Variants in ADGRL2 observed in about 807,000 individuals in gnomAD.
ADGRL2 encodes adhesion G protein-coupled receptor L2.
A neutral mutation model predicts 157.4 loss-of-function variants in ADGRL2; 44 were observed. The observed-to-expected ratio is 0.28, with a 90% CI of 0.22 to 0.36. The LOEUF (loss-of-function observed/expected upper bound fraction) is 0.36. Ranked by LOEUF, ADGRL2 falls within the 10% of genes least tolerant of loss-of-function variation. The pLI, the probability that ADGRL2 is intolerant of heterozygous loss-of-function variation, is 1.00. For synonymous variants in ADGRL2, 585 were observed against 624.7 expected, an observed-to-expected ratio of 0.94 and a Z score of 0.95; for missense variants, 1,510 against 1,768.9, an observed-to-expected ratio of 0.85 and a Z score of 2.63.
At chr1:81,469,690 C>A (rs559215734) in intron 2 of ADGRL2, among the ~76,000 whole-genome samples, 1 of 152,266 alleles carries the variant, frequency 6.6e-6, no homozygotes, top group African/African-American at 2.4e-5. Flanking sequence ...TAAGTTAAGA[C>A]CCTTAGTGAT....
intron 2 of ADGRL2, among the ~76,000 whole-genome samples, chr1:81,855,315 C>T (rs2093164847): frequency 6.6e-6 from 1 of 152,052 alleles, no homozygotes; most frequent in African/African-American, 2.4e-5. Flanking sequence ...GTGACATGCA[C>T]CCATGGTCCC....
At chr1:81,630,262 A>AG (rs1487483215) in intron 3 of ADGRL2, among the ~76,000 whole-genome samples, 3 of 152,120 alleles carry the variant, frequency 2.0e-5, no homozygotes, top group Admixed American at 6.6e-5. Context: ...CTAGCCTCCC[A>AG]GCCTTCTCCA....
intron 2 of ADGRL2, among the ~76,000 whole-genome samples, chr1:81,567,644 T>C (rs1273925415): frequency 6.6e-6 from 1 of 152,130 alleles, no homozygotes; most frequent in Non-Finnish European, 1.5e-5. Flanking sequence ...AATGAAGCAC[T>C]AAAATATACT....
chr1:81,988,876 C>G (rs571110982), intron 23 of ADGRL2, among the ~76,000 whole-genome samples: 1 of 151,976 alleles, frequency 6.6e-6, no homozygotes, highest in South Asian at 2.1e-4. Flanking sequence ...TAAATTTTTT[C>G]CTAAACTCCT....
At chr1:81,902,986 T>C (rs750797011) in intron 2 of ADGRL2, among the ~76,000 whole-genome samples, 16 of 152,236 alleles carry the variant, frequency 1.1e-4, no homozygotes, top group Non-Finnish European at 1.0e-4. Flanking sequence ...AAGTTGTTTA[T>C]TAATTATCGA....
At chr1:81,980,955 A>G (rs1004077971) in intron 18 of ADGRL2, 14 of 495,496 alleles carry the variant, frequency 2.8e-5, no homozygotes, top group Middle Eastern at 4.1e-4. Flanking sequence ...CTAATTTGCT[A>G]TAGTATTTTT....
chr1:81,750,475 T>C (rs1250202264), intron 1 of ADGRL2, among the ~76,000 whole-genome samples: 1 of 152,166 alleles, frequency 6.6e-6, no homozygotes, highest in East Asian at 1.9e-4. Flanking sequence ...TCCCAGCACT[T>C]TGGGAGGCCG....
intron 1 of ADGRL2, among the ~76,000 whole-genome samples, chr1:81,805,730 T>TAA (rs5775635): frequency 8.0e-5 from 11 of 137,558 alleles, no homozygotes; most frequent in South Asian, 2.3e-4. Context: ...CTTTAGTGGT[T>TAA]AAAAAAAAAA....
At chr1:81,720,182 T>TC (rs1019138656) in intron 1 of ADGRL2, among the ~76,000 whole-genome samples, 2 of 144,638 alleles carry the variant, frequency 1.4e-5, no homozygotes, top group African/African-American at 5.1e-5. Flanking sequence ...TTTTTTTCTT[T>TC]TCTTTTTTTT....
chr1:81,909,057 G>T (rs1005606168), intron 3 of ADGRL2, among the ~76,000 whole-genome samples: 1 of 151,792 alleles, frequency 6.6e-6, no homozygotes, highest in African/African-American at 2.4e-5. Flanking sequence ...TGTATTTTTA[G>T]TAGAGACAGG....
At chr1:81,590,295 C>G (rs2081106463) in intron 3 of ADGRL2, among the ~76,000 whole-genome samples, 1 of 152,120 alleles carries the variant, frequency 6.6e-6, no homozygotes, top group Non-Finnish European at 1.5e-5. Flanking sequence ...TTTTCTATCT[C>G]TTTTGATTAT....
At chr1:81,989,552 C>A in intron 23 of ADGRL2, 2 of 769,630 alleles carry the variant, frequency 2.6e-6, no homozygotes, top group Admixed American at 2.3e-5. Flanking sequence ...GCTGCTATTG[C>A]TGGTAATCTA....
chr1:81,764,189 C>CAAAA (rs34716755), intron 2 of ADGRL2, among the ~76,000 whole-genome samples: 2,173 of 101,376 alleles, frequency 0.021, 44 homozygotes, highest in Non-Finnish European at 0.03. Context: ...GAGACTCTGT[C>CAAAA]AAAAAAAAAA....
chr1:81,512,704 C>A lies in ADGRL2; in HGVS notation c.-248+67615C>A, dbSNP rs747441759. Reference sequence around the variant, plus strand: ...TCTTCCCAGTAGGGGGAAAAAATACCCTTTTCTGTGAGTACATATCAAGGT... The same window carrying A: ...TCTTCCCAGTAGGGGGAAAAAATACACTTTTCTGTGAGTACATATCAAGGT... On this transcript the variant is annotated intron_variant, in intron 2 of 24. Transcript: ENST00000370721. Among the ~76,000 whole-genome samples the A allele has an allele frequency of 3.3e-5, 5 of 152,128 alleles. No individual in the cohort carries two copies. The East Asian group carries it at 5.8e-4, about 18-fold the overall frequency.
chr1:81,604,154 G>A (rs767754666), intron 3 of ADGRL2, among the ~76,000 whole-genome samples: 6 of 151,866 alleles, frequency 4.0e-5, no homozygotes, highest in Non-Finnish European at 5.9e-5. Context: ...TGGTAGAGAC[G>A]AGGTTTCACC....
At chr1:81,961,588 A>G (rs974588248) in intron 11 of ADGRL2, among the ~76,000 whole-genome samples, 3 of 150,638 alleles carry the variant, frequency 2.0e-5, no homozygotes, top group South Asian at 2.1e-4. Context: ...GCTCACTGCA[A>G]CCTTCACCTC....
chr1:81,343,247 G>A (rs970568592), intron 1 of ADGRL2, among the ~76,000 whole-genome samples: 12 of 151,138 alleles, frequency 7.9e-5, no homozygotes, highest in Admixed American at 5.3e-4. Flanking sequence ...GTGCCACCAC[G>A]CCAAGCTAAT....
intron 2 of ADGRL2, among the ~76,000 whole-genome samples, chr1:81,579,622 C>G (rs1183721957): frequency 6.6e-6 from 1 of 152,104 alleles, no homozygotes; most frequent in African/African-American, 2.4e-5. Context: ...TCCCTTGTGT[C>G]TTCAGAGGCA....
intron 3 of ADGRL2, among the ~76,000 whole-genome samples, chr1:81,581,874 GCACA>G (rs869309464): frequency 0.072 from 5,974 of 83,504 alleles, 210 homozygotes; most frequent in African/African-American, 0.11. Context: ...ACACATGCGC[GCACA>G]CACACACACA....
Sources: allele counts gnomAD v4.1 joint callset (sites outside exome capture counted in the v4.1 genomes callset), GRCh38; gene constraint gnomAD v4.1.1; transcripts MANE v1.5; gene names NCBI Gene and HGNC (gene_info 2026-07-23, HGNC 2026-07-21).